The following ICAM2 variants were observed in gnomAD, a reference collection of about 807,000 sequenced individuals.
ICAM2 encodes the protein ICAM-2.
Under a neutral mutation model 19.1 loss-of-function variants are expected in ICAM2, and 14 were observed. That is an observed-to-expected ratio of 0.73 (90% confidence interval 0.48 to 1.15). The LOEUF (loss-of-function observed/expected upper bound fraction) is 1.15. Ranked by LOEUF, ICAM2 falls within the 50% of genes most tolerant of loss-of-function variation. ICAM2 has a pLI of 0.00. For synonymous variants in ICAM2, 153 were observed against 152.7 expected (o/e 1.00, Z -0.01); for missense variants, 311 against 355.4 (o/e 0.88, Z 1.00).
intron 1 of ICAM2, among the ~76,000 whole-genome samples, chr17:64,007,551 C>T (rs1223916007): frequency 1.3e-5 from 2 of 152,152 alleles, no homozygotes; most frequent in Non-Finnish European, 2.9e-5. Flanking sequence ...CCTGAGCCAC[C>T]GCACCTGGCC....
chr17:64,004,031 C>G, intron 3 of ICAM2, 67 bp from the exon 4 acceptor site: 1 of 1,224,954 alleles, frequency 8.2e-7, no homozygotes. Flanking sequence ...TCCCCCTGGC[C>G]AGGGCCATCT....
chr17:64,020,054 G>A lies in ICAM2; in HGVS notation c.-45+469C>T, dbSNP rs138834844. Among the ~76,000 whole-genome samples, 106 of 152,228 alleles carry A rather than the reference G, an allele frequency of 7.0e-4. 1 individual carries two copies. In the East Asian group the frequency reaches 0.019, roughly 27 times the overall value. Reference sequence around the variant, plus strand: ...GAGGCTTCATGGGAATGTGAGCCATGGGTTAGGAAAGACCCCCTCGAACCG... The same window carrying A: ...GAGGCTTCATGGGAATGTGAGCCATAGGTTAGGAAAGACCCCCTCGAACCG... On this transcript the variant is annotated intron_variant, in intron 1 of 4. Coordinates refer to ENST00000579788, the MANE Select transcript of ICAM2 (RefSeq NM_001099789.2).
intron 2 of ICAM2, chr17:64,005,935 A>T (rs1420361668): frequency 6.2e-6 from 1 of 160,356 alleles, no homozygotes; most frequent in African/African-American, 2.4e-5. Flanking sequence ...ATGGCAGGAA[A>T]GCGCCGAGAA....
intron 1 of ICAM2, among the ~76,000 whole-genome samples, chr17:64,013,020 A>T (rs1296909566): frequency 5.3e-5 from 8 of 152,212 alleles, no homozygotes; most frequent in Admixed American, 4.6e-4. Flanking sequence ...GTTAAAAAAA[A>T]TTAAGAAGAA....
At chr17:64,009,223 A>C (rs945963047) in intron 1 of ICAM2, among the ~76,000 whole-genome samples, 14 of 151,948 alleles carry the variant, frequency 9.2e-5, no homozygotes, top group Admixed American at 7.2e-4. Context: ...GCATGCATGG[A>C]TTAGTGAATG....
Position 64,002,836 on chromosome 17 carries a change from TG to T in ICAM2, c.738del (p.Phe246LeufsTer48). 1.2e-6 allele frequency: 2 copies of T among 1,613,892 alleles called. No individual in the cohort carries two copies. The highest frequency in any genetic ancestry group is 1.7e-6 in the Non-Finnish European group (2 of 1,179,984). On this transcript the variant is annotated frameshift_variant, in exon 5 of 5. Transcript: ENST00000579788. LOFTEE classifies it low-confidence loss of function (END_TRUNC). Reference sequence around the variant, plus strand: ...TGCTGGCGCAAGTGCTGGCCGAAGATGAAGCAGAGCAGGACAGATGTCACGA... The same window carrying T: ...TGCTGGCGCAAGTGCTGGCCGAAGATAAGCAGAGCAGGACAGATGTCACGA... Reference protein sequence around the residue: ...SLFVTSVLLCFIFGQHLRQQR... With the variant: ...SLFVTSVLLCXIFGQHLRQQR...
At chr17:64,003,622 C>T in intron 4 of ICAM2, 22 bp downstream of exon 4, 2 of 1,599,294 alleles carry the variant, frequency 1.3e-6, no homozygotes, top group East Asian at 4.5e-5. Flanking sequence ...ACTCCCAACT[C>T]CATCCACGGA....
At chr17:64,008,176 G>A (rs968955125) in intron 1 of ICAM2, among the ~76,000 whole-genome samples, 1 of 152,224 alleles carries the variant, frequency 6.6e-6, no homozygotes, top group African/African-American at 2.4e-5. Flanking sequence ...CCTGGACGGG[G>A]TTGCTGGACT....
intron 2 of ICAM2, among the ~76,000 whole-genome samples, chr17:64,005,599 A>G (rs538209660): frequency 2.0e-5 from 3 of 152,000 alleles, no homozygotes; most frequent in East Asian, 3.9e-4. Flanking sequence ...CCAGCCCCCT[A>G]GCTGACACCC....
At position 64,005,142 on chromosome 17, in the gene ICAM2, T is replaced by C; in HGVS notation, c.293A>G (p.Lys98Arg). The change falls in exon 3 of 5, where the codon AAG becomes AGG. Residue 98 changes from lysine (K) to arginine (R), a missense_variant. Lys to Arg is a conservative substitution (Grantham distance 26). Transcript: ENST00000579788. ...GACGTTGGAATTCATTGACTCCTGC[T>C]TCCCGGAGCAGGTGAAGTGGCATTG... is the stretch of plus-strand genomic sequence containing the variant. ...VLQCHFTCSG[K>R]QESMNSNVSV... 1 of 1,614,132 alleles carries C rather than the reference T, an allele frequency of 6.2e-7. No homozygotes were observed. The highest frequency in any genetic ancestry group is 8.5e-7 in the Non-Finnish European group (1 of 1,180,012).
Position 64,004,799 on chromosome 17 carries a change from G to A in ICAM2, c.328+308C>T, listed in dbSNP as rs115381178. 3.5e-3 allele frequency: 1,654 copies of A among 473,082 alleles called. 24 individuals are homozygous for A. The highest frequency in any genetic ancestry group is 0.029 in the African/African-American group (1,479 of 51,140). 29.3% of individuals were successfully genotyped at this position (473,082 alleles called of 1,614,324 possible). A position where few individuals can be genotyped will look rare whatever the true frequency, so the allele number is the denominator to read the frequency against. ...GATGGTGACCCCACTACTTGGCATG[G>A]GACATGGGGTGCTCTGGTGACTCAG... On this transcript the variant is annotated intron_variant, in intron 3 of 4. Transcript: ENST00000579788.
intron 1 of ICAM2, among the ~76,000 whole-genome samples, chr17:64,014,707 AAGGAAGG>A (rs1567849777): frequency 0.013 from 147 of 11,210 alleles, 1 homozygote; most frequent in African/African-American, 0.017. Context: ...GGAAGGAAGG[AAGGAAGG>A]AAGGAAGGAA....
chr17:64,009,168 A>G (rs909483143), intron 1 of ICAM2, among the ~76,000 whole-genome samples: 3 of 152,210 alleles, frequency 2.0e-5, no homozygotes, highest in Non-Finnish European at 2.9e-5. Flanking sequence ...ACTGCCTGGC[A>G]CACAGTAGGT....
At chr17:64,020,078 C>A (rs1238451655) in intron 1 of ICAM2, among the ~76,000 whole-genome samples, 14 of 152,084 alleles carry the variant, frequency 9.2e-5, no homozygotes, top group East Asian at 1.9e-4. Flanking sequence ...CCCCTCGAAC[C>A]GAGGCAGGTA....
intron 1 of ICAM2, among the ~76,000 whole-genome samples, chr17:64,011,629 T>C (rs1911457701): frequency 6.6e-6 from 1 of 152,190 alleles, no homozygotes; most frequent in Non-Finnish European, 1.5e-5. Flanking sequence ...CTGGGCATGA[T>C]GGCTCATGTC....
chr17:64,009,927 A>G (rs568698348), intron 1 of ICAM2, among the ~76,000 whole-genome samples: 1 of 152,286 alleles, frequency 6.6e-6, no homozygotes, highest in Admixed American at 6.5e-5. Context: ...GCAGGACCCA[A>G]TTGATGCCAG....
intron 1 of ICAM2, among the ~76,000 whole-genome samples, chr17:64,012,865 G>T (rs1275601546): frequency 1.3e-5 from 2 of 152,178 alleles, no homozygotes; most frequent in Non-Finnish European, 2.9e-5. Context: ...ATCCCTCCAT[G>T]TATACTGAAT....
Position 64,005,252 on chromosome 17 carries a change from C to T in ICAM2, c.183G>A (p.Glu61=). 6.2e-7 allele frequency: 1 copy of T among 1,614,168 alleles called. No homozygotes were observed. The highest frequency in any genetic ancestry group is 8.5e-7 in the Non-Finnish European group (1 of 1,180,024). Residue 61 remains glutamate (E), a synonymous_variant, in exon 3 of 5, where the codon GAG becomes GAA. Transcript: ENST00000579788. ...CCAGCAGAATCTTATCTAGAGAGGT[C>T]TCCAGACCACCCACTTCAGGCTGGT... ...TCNQPEVGGL[E]TSLDKILLDE... is the part of the protein sequence containing the mutation.
intron 1 of ICAM2, among the ~76,000 whole-genome samples, chr17:64,010,649 G>A (rs532378459): frequency 8.6e-5 from 13 of 151,782 alleles, no homozygotes; most frequent in Non-Finnish European, 1.3e-4. Flanking sequence ...ATACCTAAAT[G>A]AGCATTTACA....
Sources: allele counts gnomAD v4.1 joint callset (sites outside exome capture counted in the v4.1 genomes callset), GRCh38; gene constraint gnomAD v4.1.1; transcripts MANE v1.5; gene names NCBI Gene and HGNC (gene_info 2026-07-23, HGNC 2026-07-21).